Variants in TRPC3 observed in about 807,000 individuals in gnomAD.
TRPC3 encodes short transient receptor potential channel 3.
Under a neutral mutation model 90.9 loss-of-function variants are expected in TRPC3, and 54 were observed. That is an observed-to-expected ratio of 0.59 (90% CI 0.48 to 0.75). TRPC3 has a LOEUF of 0.75. Ranked by LOEUF, TRPC3 falls within the 30% of genes least tolerant of loss-of-function variation. TRPC3 has a pLI of 0.00. For synonymous variants in TRPC3, 424 were observed against 450.9 expected (o/e 0.94, Z 0.75); for missense variants, 918 against 1,194.5 (o/e 0.77, Z 3.41).
intron 3 of TRPC3, 28 bp downstream of exon 3, chr4:121,924,990 G>A: frequency 6.3e-7 from 1 of 1,583,556 alleles, no homozygotes. Flanking sequence ...ATTCTAATAT[G>A]GCACTAGATG....
rs77967753 is a variant in TRPC3 at position 121,875,261 on chromosome 4, A to G, written c.*4475T>C. 0.011 allele frequency among the ~76,000 whole-genome samples: 1,725 copies of G among 152,308 alleles called. 32 individuals are homozygous for G. Among genetic ancestry groups the G allele is most frequent in the African/African-American group, 0.039 (1,629 of 41,564 alleles). ...ATTTTGAAGCTCAAATTTATTTTAA[A>G]ACAGTGAAATGAGGCTATGATATAG... is the stretch of plus-strand genomic sequence containing the variant. On this transcript the variant is annotated 3_prime_UTR_variant, in exon 12 of 12. Coordinates refer to ENST00000379645, the MANE Select transcript of TRPC3 (RefSeq NM_001130698.2).
intron 10 of TRPC3, among the ~76,000 whole-genome samples, chr4:121,893,256 GTGTTT>G (rs1340309004): frequency 1.3e-5 from 2 of 152,092 alleles, no homozygotes; most frequent in South Asian, 2.1e-4. Context: ...ACATGTATGT[GTGTTT>G]TGTTTGTTTG....
intron 10 of TRPC3, among the ~76,000 whole-genome samples, chr4:121,890,091 T>C (rs1212715024): frequency 6.6e-6 from 1 of 152,198 alleles, no homozygotes; most frequent in African/African-American, 2.4e-5. Flanking sequence ...ATGATCTCAC[T>C]CATATGTGAC....
chr4:121,890,507 T>C, intron 10 of TRPC3, among the ~76,000 whole-genome samples: 1 of 151,720 alleles, frequency 6.6e-6, no homozygotes, highest in Admixed American at 6.6e-5. Flanking sequence ...GAGCCAAAAA[T>C]AGAAATGGAT....
chr4:121,919,738 T>C (rs937367797), intron 3 of TRPC3, among the ~76,000 whole-genome samples: 1 of 152,220 alleles, frequency 6.6e-6, no homozygotes, highest in African/African-American at 2.4e-5. Flanking sequence ...AGGATGGCTT[T>C]TCTACATTTA....
intron 6 of TRPC3, among the ~76,000 whole-genome samples, chr4:121,908,570 C>T (rs1728968988): frequency 6.6e-6 from 1 of 152,070 alleles, no homozygotes. Context: ...AAATCATGTC[C>T]TTTGCAGCAA....
At chr4:121,924,970 T>C in intron 3 of TRPC3, 48 bp downstream of exon 3, 2 of 1,549,992 alleles carry the variant, frequency 1.3e-6, no homozygotes, top group Non-Finnish European at 1.7e-6. Context: ...ATAGTTTGTA[T>C]CACATGTTTA....
At chr4:121,880,763 C>A (rs946302453) in intron 11 of TRPC3, among the ~76,000 whole-genome samples, 1 of 152,136 alleles carries the variant, frequency 6.6e-6, no homozygotes, top group East Asian at 1.9e-4. Context: ...AGAAATGATT[C>A]TTCAAACCAT....
At chr4:121,909,778 C>A (rs944263481) in intron 6 of TRPC3, among the ~76,000 whole-genome samples, 1 of 152,092 alleles carries the variant, frequency 6.6e-6, no homozygotes, top group Non-Finnish European at 1.5e-5. Flanking sequence ...CTCCTTGAAC[C>A]CATGCTCTCA....
rs142957241 is a variant in TRPC3 at position 121,893,236 on chromosome 4, G to A, written c.2547+6376C>T. On this transcript the variant is annotated intron_variant, in intron 10 of 11. Transcript: ENST00000379645. ...TGTGTGCGTGTGTATGTACACACGT[G>A]CAAGAATGCACATGTATGTGTGTTT... 2.0e-4 allele frequency among the ~76,000 whole-genome samples: 31 copies of A among 152,144 alleles called. 1 individual carries two copies. In the South Asian group the frequency reaches 2.3e-3, roughly 11 times the overall value.
At chr4:121,895,030 T>C (rs1018343967) in intron 10 of TRPC3, among the ~76,000 whole-genome samples, 2 of 151,954 alleles carry the variant, frequency 1.3e-5, no homozygotes. Context: ...ACTATGCAAA[T>C]ACATGAAAAT....
chr4:121,910,307 A>T lies in TRPC3; in HGVS notation c.1639T>A (p.Phe547Ile), dbSNP rs759965786. ...YILQLWNVLD[F>I]GMLSIFIAAF... ...GCAATGAAGATGGACAGCATCCCAA[A>T]GTCAAGCACATTCCACAACTGCAAA... The change falls in exon 6 of 12, where the codon TTT (phenylalanine) becomes ATT (isoleucine). Residue 547 changes from phenylalanine (F) to isoleucine (I), a missense_variant. Transcript: ENST00000379645. 3.7e-6 allele frequency: 6 copies of T among 1,613,882 alleles called. No individual in the cohort carries two copies. The highest frequency in any genetic ancestry group is 5.1e-6 in the Non-Finnish European group (6 of 1,179,818).
intron 10 of TRPC3, among the ~76,000 whole-genome samples, chr4:121,897,856 G>A (rs1170115813): frequency 1.3e-5 from 2 of 152,128 alleles, no homozygotes; most frequent in African/African-American, 4.8e-5. Context: ...GCACCCACAT[G>A]TTTTATTGCA....
At chr4:121,944,848 G>T (rs74839931) in intron 1 of TRPC3, among the ~76,000 whole-genome samples, 1,713 of 152,192 alleles carry the variant, frequency 0.011, 44 homozygotes, top group African/African-American at 0.039. Flanking sequence ...AAGAGTAAAT[G>T]CATTTTAAAA....
rs1262149808 is a variant in TRPC3 at position 121,924,362 on chromosome 4, A to G, written c.1176+656T>C. Among the ~76,000 whole-genome samples, 3 of 152,164 alleles carry G rather than the reference A, an allele frequency of 2.0e-5. No homozygotes were observed. In the East Asian group the frequency reaches 5.8e-4, roughly 29 times the overall value. On this transcript the variant is annotated intron_variant, in intron 3 of 11. Coordinates refer to ENST00000379645, the MANE Select transcript of TRPC3 (RefSeq NM_001130698.2). ...TCTTAACTCATTTAAATTCCACCAA[A>G]ACCCTGAGATAGATAAGAGATATTA...
At chr4:121,930,226 T>C (rs1382289040) in intron 2 of TRPC3, among the ~76,000 whole-genome samples, 1 of 152,180 alleles carries the variant, frequency 6.6e-6, no homozygotes, top group Non-Finnish European at 1.5e-5. Flanking sequence ...AGAACTGTCC[T>C]AATTTTGGCT....
chr4:121,949,298 A>C (rs71606243), intron 1 of TRPC3, among the ~76,000 whole-genome samples: 10 of 151,994 alleles, frequency 6.6e-5, no homozygotes, highest in African/African-American at 2.4e-4. Context: ...TTTTCCTCCC[A>C]AGTCAGTCTA....
intron 10 of TRPC3, among the ~76,000 whole-genome samples, chr4:121,897,907 G>A (rs1728574526): frequency 6.6e-6 from 1 of 152,094 alleles, no homozygotes; most frequent in South Asian, 2.1e-4. Context: ...CAACCTAGGT[G>A]TCTAACAGCA....
chr4:121,930,027 C>T (rs1181464770), intron 2 of TRPC3, among the ~76,000 whole-genome samples: 1 of 152,038 alleles, frequency 6.6e-6, no homozygotes, highest in Non-Finnish European at 1.5e-5. Context: ...AGGGTCAGTG[C>T]TATGAAAGCA....
Sources: allele counts gnomAD v4.1 joint callset (sites outside exome capture counted in the v4.1 genomes callset), GRCh38; gene constraint gnomAD v4.1.1; transcripts MANE v1.5; gene names NCBI Gene and HGNC (gene_info 2026-07-23, HGNC 2026-07-21).